The following PITRM1 variants were observed in gnomAD, a reference collection of about 807,000 sequenced individuals.
PITRM1 encodes pitrilysin metallopeptidase 1.
In PITRM1, 100 loss-of-function variants were observed where a neutral mutation model predicts 129.9. That is an observed-to-expected ratio of 0.77 (90% CI 0.65 to 0.91). The LOEUF (loss-of-function observed/expected upper bound fraction) is 0.91. PITRM1 is among the 40% of genes least tolerant of loss of function. The probability of loss-of-function intolerance (pLI) is 0.00; values close to 1 mark genes in which losing one functional copy is unlikely to be tolerated. For synonymous variants in PITRM1, 591 were observed against 508.8 expected (o/e 1.16, Z -2.17); for missense variants, 1,471 against 1,318.3 (o/e 1.12, Z -1.79).
At chr10:3,147,294 CAGACCCGCTG>C (rs1232884020) in intron 19 of PITRM1, 44 bp from the exon 20 acceptor site, 11 of 1,391,668 alleles carry the variant, frequency 7.9e-6, no homozygotes, top group East Asian at 4.6e-5. Context: ...GAGGCTACAA[CAGACCCGCTG>C]AGTCTGAACC....
At chr10:3,155,818 T>G in intron 13 of PITRM1, 89 bp from the exon 14 acceptor site, 1 of 1,433,560 alleles carries the variant, frequency 7.0e-7, no homozygotes, top group Non-Finnish European at 9.5e-7. Context: ...GGTGTGTTCT[T>G]GGTCCTGTGG....
intron 20 of PITRM1, chr10:3,146,540 A>AC (rs1358585730): frequency 3.3e-5 from 5 of 152,388 alleles, no homozygotes; most frequent in African/African-American, 1.2e-4. Flanking sequence ...GCCAGGCTTC[A>AC]CCTCTGGCCA....
At chr10:3,157,331 A>G (rs181020268) in intron 12 of PITRM1, 104 bp downstream of exon 12, 1 of 693,360 alleles carries the variant, frequency 1.4e-6, no homozygotes, top group East Asian at 2.8e-5. Flanking sequence ...TTACCCATTT[A>G]AAGTAATCTA....
At chr10:3,155,401 T>C (rs1841889864) in intron 14 of PITRM1, among the ~76,000 whole-genome samples, 190 bp downstream of exon 14, 2 of 152,222 alleles carry the variant, frequency 1.3e-5, no homozygotes, top group Non-Finnish European at 2.9e-5. Flanking sequence ...GACTCCTGCG[T>C]TTCCTACTGA....
chr10:3,138,468 T>C (rs1564377791), intron 25 of PITRM1, 131 bp from the exon 26 acceptor site: 2 of 695,020 alleles, frequency 2.9e-6, no homozygotes, highest in East Asian at 2.7e-5. Context: ...CACAGGGATG[T>C]GTCTAACAAC....
At chr10:3,151,113 A>T in intron 15 of PITRM1, 134 bp downstream of exon 15, 2 of 605,672 alleles carry the variant, frequency 3.3e-6, no homozygotes, top group South Asian at 4.0e-5. Context: ...GTAGAGCGAG[A>T]CTATGAACGC....
At chr10:3,166,459 A>G (rs1427955519) in intron 3 of PITRM1, 79 bp from the exon 4 acceptor site, 2 of 753,260 alleles carry the variant, frequency 2.7e-6, no homozygotes, top group Non-Finnish European at 4.2e-6. Context: ...TCATCACCTC[A>G]GGCTACTAGA....
chr10:3,138,155 A>T, intron 26 of PITRM1, 31 bp from the exon 27 acceptor site: 1 of 1,575,656 alleles, frequency 6.3e-7, no homozygotes, highest in Non-Finnish European at 8.7e-7. Context: ...GTCAGCAAGG[A>T]CTGGCTTCTG....
chr10:3,171,145 ATT>A (rs762486308), intron 1 of PITRM1, among the ~76,000 whole-genome samples: 1 of 61,292 alleles, frequency 1.6e-5, no homozygotes, highest in South Asian at 7.1e-4. Flanking sequence ...TAATCGTTCA[ATT>A]AAAAAAAAAA....
intron 3 of PITRM1, 49 bp from the exon 4 acceptor site, chr10:3,166,429 G>A (rs761831973): frequency 2.6e-5 from 13 of 507,762 alleles, no homozygotes; most frequent in East Asian, 1.2e-4. Context: ...TTAGTGCTGC[G>A]GACACAGTTC....
chr10:3,151,463 T>C, intron 14 of PITRM1, 100 bp from the exon 15 acceptor site: 2 of 747,448 alleles, frequency 2.7e-6, no homozygotes, highest in Non-Finnish European at 2.3e-6. Context: ...GAATTAGCCG[T>C]CCACGCCAAG....
At position 3,163,942 on chromosome 10, in the gene PITRM1, CATTA is replaced by C. The variant is rs574341869; in HGVS notation, c.631-61_631-58del. 2.3e-4 allele frequency: 264 copies of C among 1,168,362 alleles called. No homozygotes were observed. The East Asian group carries it at 7.5e-3, about 33-fold the overall frequency. 72.4% of individuals were successfully genotyped at this position (1,168,362 alleles called of 1,614,324 possible). On this transcript the variant is annotated intron_variant, in intron 6 of 26. Coordinates refer to ENST00000224949, the MANE Select transcript of PITRM1 (RefSeq NM_014889.4). ...TACATGTAAAATAATACACACGTTACATTACTTACAATATAGCCAATTGATCACA... is the reference window on the plus strand; with the variant it reads ...TACATGTAAAATAATACACACGTTACCTTACAATATAGCCAATTGATCACA...
Position 3,159,852 on chromosome 10 carries a change from G to C in PITRM1, c.1003C>G (p.Pro335Ala). Reference sequence around the variant, plus strand: ...GCTTTGACAGCATATACTTACTCCGGTAAGAGGAAGCTAACGCTGATGGTT... The same window carrying C: ...GCTTTGACAGCATATACTTACTCCGCTAAGAGGAAGCTAACGCTGATGGTT... ...QTTISVSFLLPDITDTFEAFT... is the reference protein window; with the variant it reads ...QTTISVSFLLADITDTFEAFT... Residue 335 changes from proline (P) to alanine (A), a missense_variant, in exon 9 of 27, where the codon CCG becomes GCG. Transcript: ENST00000224949. 1.3e-6 allele frequency: 2 copies of C among 1,582,106 alleles called. No homozygotes were observed. Among genetic ancestry groups the C allele is most frequent in the East Asian group, 4.5e-5 (2 of 44,574 alleles).
chr10:3,138,425 C>T (rs1839810840), intron 25 of PITRM1, 88 bp from the exon 26 acceptor site: 1 of 841,034 alleles, frequency 1.2e-6, no homozygotes, highest in South Asian at 1.4e-5. Context: ...GGGACACAGG[C>T]ATCTCACTGT....
At chr10:3,172,484 C>A (rs1393913407) in intron 1 of PITRM1, among the ~76,000 whole-genome samples, 8 of 152,158 alleles carry the variant, frequency 5.3e-5, no homozygotes, top group Non-Finnish European at 1.2e-4. Flanking sequence ...GCGGGCAGGC[C>A]CGGCCCCCAG....
chr10:3,149,277 G>A, intron 16 of PITRM1: 1 of 187,730 alleles, frequency 5.3e-6, no homozygotes, highest in Non-Finnish European at 1.1e-5. Flanking sequence ...CACGCACGCA[G>A]CAGGCACACC....
At position 3,144,311 on chromosome 10, in the gene PITRM1, AC is replaced by A. The variant is rs1564392256; in HGVS notation, c.2512del (p.Val838SerfsTer16). ...TCTTACCATGACCAGCTTCCTAATG[AC>A]CTGGGAGCCATGGGGAACGTGGGCA... ...GDAHVPHGSQ[V>X]IRKLVMEPTF... On this transcript the variant is annotated frameshift_variant, in exon 22 of 27. Transcript: ENST00000224949. LOFTEE classifies it high-confidence loss of function. 1 of 1,559,914 alleles carries A rather than the reference AC, an allele frequency of 6.4e-7. No homozygotes were observed. The highest frequency in any genetic ancestry group is 1.2e-5 in the South Asian group (1 of 84,622).
intron 4 of PITRM1, 127 bp from the exon 5 acceptor site, chr10:3,165,654 G>A: frequency 1.5e-6 from 1 of 652,668 alleles, no homozygotes; most frequent in Non-Finnish European, 2.7e-6. Context: ...TGGGGCAGTG[G>A]CCCCATGCTC....
chr10:3,157,363 A>T (rs7086470), intron 12 of PITRM1, 72 bp downstream of exon 12: 579,937 of 858,532 alleles, frequency 0.68, 197,383 homozygotes, highest in Non-Finnish European at 0.7. Flanking sequence ...AATATCAAAA[A>T]GCCAGTTAAG....
Sources: allele counts gnomAD v4.1 joint callset (sites outside exome capture counted in the v4.1 genomes callset), GRCh38; gene constraint gnomAD v4.1.1; transcripts MANE v1.5; gene names NCBI Gene and HGNC (gene_info 2026-07-23, HGNC 2026-07-21).